PCDH7: variants seen among roughly 807,000 people sequenced by gnomAD.
The protein encoded by PCDH7 is protocadherin-7.
In PCDH7, 17 loss-of-function variants were observed where a neutral mutation model predicts 58.9. That is an observed-to-expected ratio of 0.29 (90% CI 0.20 to 0.43). The LOEUF (loss-of-function observed/expected upper bound fraction) is 0.43. PCDH7 is among the 20% of genes least tolerant of loss of function. PCDH7 has a pLI of 1.00. For synonymous variants in PCDH7, 664 were observed against 616.4 expected (o/e 1.08, Z -1.14); for missense variants, 1,274 against 1,441.0 (o/e 0.88, Z 1.88).
In PCDH7 at chr4:30,856,017, C is replaced by T. The variant is rs140188391; in HGVS notation, c.71-64136C>T. ...TTGAAGTACCAAGTAAGAACTTAAC[C>T]CTCTTGATTTTTTTCCCTTGAACCC... On this transcript the variant is annotated intron_variant, in intron 1 of 3. Coordinates refer to the PCDH7 transcript ENST00000509759. Among the ~76,000 whole-genome samples, 441 of 152,002 alleles carry T rather than the reference C, an allele frequency of 2.9e-3. 2 individuals are homozygous for T. The highest frequency in any genetic ancestry group is 9.9e-3 in the African/African-American group (411 of 41,454).
At chr4:30,763,309 GATTA>G (rs1720286416) in intron 1 of PCDH7, among the ~76,000 whole-genome samples, 2 of 152,084 alleles carry the variant, frequency 1.3e-5, no homozygotes, top group African/African-American at 2.4e-5. Flanking sequence ...ACTGTATATT[GATTA>G]GTCAATGAGT....
At position 30,721,395 on chromosome 4, in the gene PCDH7, G is replaced by A. The variant is rs1713498454; in HGVS notation, c.-28G>A. ...GGCGCCGAGGGGGCTGTGGTTAGAA[G>A]GAGCAGTAGCAGCAGCAGCAGGAGA... On this transcript the variant is annotated 5_prime_UTR_variant, in exon 1 of 2. Coordinates refer to ENST00000361762, the Ensembl canonical transcript of PCDH7. The surrounding 1 kb of genome is among the most constrained non-coding windows in gnomAD (Gnocchi z 6.7). 2 of 1,459,638 alleles carry A rather than the reference G, an allele frequency of 1.4e-6. No homozygotes were observed. The highest frequency in any genetic ancestry group is 9.0e-7 in the Non-Finnish European group (1 of 1,107,710). 90.4% of individuals were successfully genotyped at this position (1,459,638 alleles called of 1,614,324 possible). A position where few individuals can be genotyped will look rare whatever the true frequency, so the allele number is the denominator to read the frequency against.
chr4:30,975,432 T>C (rs1027107610), intron 3 of PCDH7, among the ~76,000 whole-genome samples: 3 of 152,120 alleles, frequency 2.0e-5, no homozygotes, highest in Non-Finnish European at 4.4e-5. Context: ...GCAAAATCAT[T>C]ATTGTACAAG....
intron 1 of PCDH7, among the ~76,000 whole-genome samples, chr4:30,893,685 T>C (rs1432995111): frequency 6.6e-6 from 1 of 152,144 alleles, no homozygotes; most frequent in Non-Finnish European, 1.5e-5. Flanking sequence ...CACCTATAAC[T>C]GTGTTTCTAG....
intron 3 of PCDH7, among the ~76,000 whole-genome samples, chr4:31,096,010 T>A (rs1306635734): frequency 6.6e-6 from 1 of 152,156 alleles, no homozygotes; most frequent in African/African-American, 2.4e-5. Context: ...GTGTTGGTAA[T>A]CTAGGCAAAT....
intron 3 of PCDH7, among the ~76,000 whole-genome samples, chr4:31,046,418 T>C (rs1347599956): frequency 6.6e-6 from 1 of 152,008 alleles, no homozygotes. Context: ...GAGTTATATA[T>C]GTAAAATACT....
At chr4:30,879,615 C>T (rs1468981076) in intron 1 of PCDH7, among the ~76,000 whole-genome samples, 1 of 152,106 alleles carries the variant, frequency 6.6e-6, no homozygotes, top group African/African-American at 2.4e-5. Flanking sequence ...GATTATGCTT[C>T]CTCACAGGGA....
intron 1 of PCDH7, among the ~76,000 whole-genome samples, chr4:30,799,465 T>A (rs1418643069): frequency 2.0e-5 from 3 of 152,226 alleles, no homozygotes. Flanking sequence ...GTTCTCTAGA[T>A]AAATATTCAC....
chr4:30,874,911 T>G (rs572652762), intron 1 of PCDH7, among the ~76,000 whole-genome samples: 45 of 152,064 alleles, frequency 3.0e-4, no homozygotes, highest in Non-Finnish European at 4.9e-4. Flanking sequence ...TTATTTTTAC[T>G]GTGGCTCCTG....
At chr4:30,833,883 C>T (rs1040939071) in intron 1 of PCDH7, among the ~76,000 whole-genome samples, 3 of 152,230 alleles carry the variant, frequency 2.0e-5, no homozygotes, top group Admixed American at 6.5e-5. Flanking sequence ...ATTCTGAACA[C>T]TTTGTATGAA....
At chr4:31,023,810 T>C (rs758478336) in intron 3 of PCDH7, among the ~76,000 whole-genome samples, 4 of 152,164 alleles carry the variant, frequency 2.6e-5, no homozygotes, top group Non-Finnish European at 4.4e-5. Flanking sequence ...AAAGAAAGAC[T>C]GAATACAAAA....
intron 1 of PCDH7, among the ~76,000 whole-genome samples, chr4:30,749,077 G>A (rs924889791): frequency 2.0e-5 from 3 of 152,100 alleles, no homozygotes; most frequent in African/African-American, 4.8e-5. Flanking sequence ...GCATTTAGTC[G>A]TAGCTTCCTC....
At chr4:30,962,327 T>C (rs1052583678) in intron 3 of PCDH7, among the ~76,000 whole-genome samples, 14 of 152,184 alleles carry the variant, frequency 9.2e-5, no homozygotes, top group African/African-American at 3.4e-4. Context: ...ACAGAGCACA[T>C]GCCAAGATGT....
intron 2 of PCDH7, among the ~76,000 whole-genome samples, chr4:30,949,554 A>T (rs996523910): frequency 8.5e-5 from 13 of 152,140 alleles, no homozygotes; most frequent in Non-Finnish European, 1.9e-4. Flanking sequence ...CATTTTAAAA[A>T]CTTTTATTAG....
intron 3 of PCDH7, among the ~76,000 whole-genome samples, chr4:31,092,571 G>A (rs2109286788): frequency 6.6e-6 from 1 of 152,046 alleles, no homozygotes; most frequent in Admixed American, 6.6e-5. Flanking sequence ...CTTTTTGCTG[G>A]AAAATTACAC....
At chr4:30,886,194 A>C (rs1431931504) in intron 1 of PCDH7, among the ~76,000 whole-genome samples, 7 of 149,668 alleles carry the variant, frequency 4.7e-5, no homozygotes, top group South Asian at 2.1e-4. Context: ...CAACCTACAA[A>C]ATGGGAGAAA....
At chr4:31,145,008 G>C (rs1054804405), downstream of PCDH7, 2 of 151,116 alleles carry the variant, frequency 1.3e-5, no homozygotes, top group African/African-American at 4.9e-5. Flanking sequence ...TTTCTTGCAC[G>C]TTACAAAGAA....
At chr4:31,097,635 TATA>T (rs1714305029) in intron 3 of PCDH7, among the ~76,000 whole-genome samples, 1 of 45,698 alleles carries the variant, frequency 2.2e-5, no homozygotes, top group Admixed American at 2.3e-4. Context: ...TATATATATA[TATA>T]AATCTTTTTT....
intron 1 of PCDH7, among the ~76,000 whole-genome samples, chr4:30,819,617 T>A (rs1184891012): frequency 6.6e-6 from 1 of 152,184 alleles, no homozygotes; most frequent in African/African-American, 2.4e-5. Flanking sequence ...GGGGGTGTTA[T>A]GATATGATAG....
Sources: gnomAD v4.1 joint callset for allele counts (sites outside exome capture counted in the v4.1 genomes callset) on GRCh38, gnomAD v4.1.1 for gene constraint, Gnocchi (gnomAD v3.1) non-coding constraint, MANE v1.5 for transcripts, NCBI Gene and HGNC (gene_info 2026-07-23, HGNC 2026-07-21) for gene names.